Variants in ADAMTS17 observed in about 807,000 individuals in gnomAD.
The protein encoded by ADAMTS17 is A disintegrin and metalloproteinase with thrombospondin motifs 17.
Under a neutral mutation model 141.5 loss-of-function variants are expected in ADAMTS17, and 113 were observed. The observed-to-expected ratio is 0.80, with a 90% confidence interval of 0.69 to 0.93. The LOEUF is 0.93. Ranked by LOEUF, ADAMTS17 falls within the 40% of genes least tolerant of loss-of-function variation. The probability of loss-of-function intolerance (pLI) is 0.00; values close to 1 mark genes in which losing one functional copy is unlikely to be tolerated. For synonymous variants in ADAMTS17, 768 were observed against 630.6 expected, an observed-to-expected ratio of 1.22 and a Z score of -3.27; for missense variants, 1,659 against 1,517.9, an observed-to-expected ratio of 1.09 and a Z score of -1.54.
At chr15:100,084,351 G>C (rs1341642103) in intron 15 of ADAMTS17, among the ~76,000 whole-genome samples, 1 of 152,206 alleles carries the variant, frequency 6.6e-6, no homozygotes, top group South Asian at 2.1e-4. Flanking sequence ...CGGGAAGCTC[G>C]AACTGGGTGG....
chr15:100,103,737 G>A (rs752197467), intron 14 of ADAMTS17, among the ~76,000 whole-genome samples: 7 of 152,074 alleles, frequency 4.6e-5, no homozygotes, highest in Non-Finnish European at 7.4e-5. Flanking sequence ...TACCATGCCC[G>A]GCTAATTTTT....
intron 12 of ADAMTS17, among the ~76,000 whole-genome samples, chr15:100,127,777 T>TA (rs59156413): frequency 0.31 from 47,747 of 151,986 alleles, 8,477 homozygotes; most frequent in East Asian, 0.52. Context: ...AGACAGGGTT[T>TA]CACCATGTTG....
At chr15:100,074,627 A>G (rs926258987) in intron 15 of ADAMTS17, among the ~76,000 whole-genome samples, 45 of 140,350 alleles carry the variant, frequency 3.2e-4, no homozygotes, top group African/African-American at 1.3e-3. Flanking sequence ...TTGTTTGCTA[A>G]TATTATATTT....
At chr15:100,296,580 G>C (rs7169138) in intron 3 of ADAMTS17, among the ~76,000 whole-genome samples, 3 of 107,918 alleles carry the variant, frequency 2.8e-5, no homozygotes, top group African/African-American at 1.2e-4. Context: ...GGTGAGGGGG[G>C]GTGTGTGTGT....
At chr15:100,218,882 A>C (rs181587592) in intron 7 of ADAMTS17, among the ~76,000 whole-genome samples, 4 of 151,534 alleles carry the variant, frequency 2.6e-5, no homozygotes, top group East Asian at 3.9e-4. Flanking sequence ...TGAACACGCA[A>C]ACGTCCACCT....
chr15:100,102,340 AGG>A, intron 14 of ADAMTS17, among the ~76,000 whole-genome samples: 1 of 133,280 alleles, frequency 7.5e-6, no homozygotes, highest in African/African-American at 3.1e-5. Flanking sequence ...GGCCGACCGA[AGG>A]GGATCTACAT....
At chr15:100,300,086 T>C (rs1402391776) in intron 3 of ADAMTS17, among the ~76,000 whole-genome samples, 1 of 152,096 alleles carries the variant, frequency 6.6e-6, no homozygotes, top group Non-Finnish European at 1.5e-5. Context: ...CAACAACAAA[T>C]CCTTGGCCCT....
intron 15 of ADAMTS17, among the ~76,000 whole-genome samples, chr15:100,068,417 C>G (rs1363647017): frequency 1.3e-5 from 2 of 152,216 alleles, no homozygotes; most frequent in African/African-American, 4.8e-5. Context: ...GTTCTCCCAG[C>G]ACACAGCTGG....
chr15:100,272,568 TTCTCTC>T (rs994013989), intron 4 of ADAMTS17, among the ~76,000 whole-genome samples: 2 of 98,740 alleles, frequency 2.0e-5, no homozygotes, highest in Non-Finnish European at 4.4e-5. Context: ...TTTATTAGCA[TTCTCTC>T]TGTCTCTCTC....
intron 10 of ADAMTS17, among the ~76,000 whole-genome samples, chr15:100,150,140 G>C (rs557434327): frequency 1.6e-4 from 25 of 152,294 alleles, no homozygotes; most frequent in Admixed American, 1.6e-3. Flanking sequence ...TAAATGTTCA[G>C]CTTCAATGTA....
chr15:100,334,593 C>T lies in ADAMTS17; in HGVS notation c.451-3539G>A, dbSNP rs1218465508. ...CTCTTTCGATCCTCCCGTCCTGCCC[C>T]CCGACTCTCGGGTGGGCACGCACCT... On this transcript the variant is annotated intron_variant, in intron 2 of 21. Coordinates refer to ENST00000268070, the MANE Select transcript of ADAMTS17 (RefSeq NM_139057.4). Among the ~76,000 whole-genome samples, 6 of 152,298 alleles carry T rather than the reference C, an allele frequency of 3.9e-5. No homozygotes were observed. In the South Asian group the frequency reaches 1.0e-3, roughly 26 times the overall value.
chr15:100,013,193 T>G lies in ADAMTS17; in HGVS notation c.2592-15604A>C, dbSNP rs572228360. Among the ~76,000 whole-genome samples, 13 of 152,258 alleles carry G rather than the reference T, an allele frequency of 8.5e-5. No individual in the cohort carries two copies. In the South Asian group the frequency reaches 2.7e-3, roughly 32 times the overall value. The stretch of plus-strand genomic sequence containing the variant: ...TGATTTGATTCTCTGCTTGGTCGCT[T>G]TTGGTATATGGTAGAGCTACCAATT... On this transcript the variant is annotated intron_variant, in intron 18 of 21. Coordinates refer to ENST00000268070, the MANE Select transcript of ADAMTS17 (RefSeq NM_139057.4).
intron 6 of ADAMTS17, among the ~76,000 whole-genome samples, chr15:100,257,553 T>C (rs1326213142): frequency 1.3e-5 from 2 of 152,206 alleles, no homozygotes; most frequent in African/African-American, 4.8e-5. Context: ...CAACAGCTAA[T>C]AGCTATGCAA....
intron 7 of ADAMTS17, among the ~76,000 whole-genome samples, chr15:100,222,718 A>T (rs965364900): frequency 5.3e-5 from 8 of 152,228 alleles, no homozygotes; most frequent in Non-Finnish European, 1.2e-4. Context: ...CAGAGGCCAA[A>T]ATGGCCAACG....
chr15:100,116,926 G>A lies in ADAMTS17; in HGVS notation c.1809C>T (p.Ser603=). 1.2e-6 allele frequency: 2 copies of A among 1,614,200 alleles called. No homozygotes were observed. Among genetic ancestry groups the A allele is most frequent in the East Asian group, 4.5e-5 (2 of 44,886 alleles). The change falls in exon 13 of 22, where the codon AGC becomes AGT. Residue 603 remains serine (S), a synonymous_variant. Transcript: ENST00000268070. The part of the protein sequence containing the change: ...ENLPCPKGLP[S]FRDQQCQAHD... ...GTGCCTGGCACTGCTGGTCCCGGAA[G>A]CTGGGCAGACCCTTGGGGCAGGGCA...
chr15:100,278,431 T>C (rs1000634975), intron 4 of ADAMTS17, among the ~76,000 whole-genome samples: 5 of 151,954 alleles, frequency 3.3e-5, no homozygotes, highest in Non-Finnish European at 1.5e-5. Flanking sequence ...GGGAGCAGCA[T>C]GGCACCCTCA....
rs929907163 is a variant in ADAMTS17, at chr15:99,972,909, G to A, written c.*1493C>T. ...CAGAAACACAGCACCAATAAATCAA[G>A]AAGCACAGGGAGATGATCCCATGGA... On this transcript the variant is annotated 3_prime_UTR_variant, in exon 22 of 22. Transcript: ENST00000268070. 2 of 152,196 alleles carry A rather than the reference G, an allele frequency of 1.3e-5. No individual in the cohort carries two copies. The highest frequency in any genetic ancestry group is 6.5e-5 in the Admixed American group (1 of 15,286). 9.4% of individuals were successfully genotyped at this position (152,196 alleles called of 1,614,324 possible). A position where few individuals can be genotyped will look rare whatever the true frequency, so the allele number is the denominator to read the frequency against.
intron 7 of ADAMTS17, among the ~76,000 whole-genome samples, chr15:100,210,920 T>C (rs2041781147): frequency 6.6e-6 from 1 of 151,950 alleles, no homozygotes; most frequent in Non-Finnish European, 1.5e-5. Context: ...GCTAACATGG[T>C]GAAACCTCGA....
intron 2 of ADAMTS17, among the ~76,000 whole-genome samples, chr15:100,340,802 G>T (rs1396652494): frequency 6.6e-6 from 1 of 152,140 alleles, no homozygotes; most frequent in South Asian, 2.1e-4. Flanking sequence ...AGCTCCGCGC[G>T]GGTTCCACGG....
Sources: gnomAD v4.1 joint callset for allele counts (sites outside exome capture counted in the v4.1 genomes callset) on GRCh38, gnomAD v4.1.1 for gene constraint, MANE v1.5 for transcripts, NCBI Gene and HGNC (gene_info 2026-07-23, HGNC 2026-07-21) for gene names.